The following TTN variants were observed in gnomAD, a reference collection of about 807,000 sequenced individuals.
TTN encodes connectin.
In TTN, 1,525 loss-of-function variants were observed where a neutral mutation model predicts 3,223.0. The ratio of observed to expected loss-of-function variants is 0.47; its 90% CI spans 0.45 to 0.49. The LOEUF (loss-of-function observed/expected upper bound fraction) is 0.49. Among genes scored for constraint, TTN ranks in the 20% least tolerant of loss-of-function variants. The probability of loss-of-function intolerance (pLI) is 0.00; values close to 1 mark genes in which losing one functional copy is unlikely to be tolerated. For synonymous variants in TTN, 14,094 were observed against 15,161.0 expected (o/e 0.93, Z 5.17); for missense variants, 40,786 against 43,424.0 (o/e 0.94, Z 5.40).
chr2:178,789,953 T>A, intron 12 of TTN, 25 bp downstream of exon 12: 1 of 1,612,254 alleles, frequency 6.2e-7, no homozygotes, highest in Non-Finnish European at 8.5e-7. Context: ...GATGAACTTT[T>A]CACAGCTCAA....
Position 178,542,593 on chromosome 2 carries a change from A to G in TTN, c.97193-30T>C, listed in dbSNP as rs754771240. On this transcript the variant is annotated intron_variant, in intron 348 of 362. Transcript: ENST00000589042. ...GAAAGAGAAGAAATACAGGAAATTAATTTTTACTTCAAATCAAAATTGGGT... is the reference window on the plus strand; with the variant it reads ...GAAAGAGAAGAAATACAGGAAATTAGTTTTTACTTCAAATCAAAATTGGGT... 3.8e-6 allele frequency: 6 copies of G among 1,591,932 alleles called. No individual in the cohort carries two copies. The South Asian group carries it at 5.7e-5, about 15-fold the overall frequency.
At chr2:178,744,489 C>T (rs1344636304) in intron 47 of TTN, 4 of 857,750 alleles carry the variant, frequency 4.7e-6, no homozygotes, top group Admixed American at 1.2e-4. Flanking sequence ...TGTTAATTTA[C>T]TGTTATTTTA....
intron 4 of TTN, 61 bp from the exon 5 acceptor site, chr2:178,799,971 T>C (rs2093979127): frequency 6.5e-7 from 1 of 1,542,504 alleles, no homozygotes; most frequent in South Asian, 1.1e-5. Flanking sequence ...TAAAAGAGAT[T>C]CTGTTAATTC....
intron 162 of TTN, 147 bp from the exon 163 acceptor site, chr2:178,667,048 T>C (rs554785491): frequency 1.1e-6 from 1 of 919,906 alleles, no homozygotes; most frequent in East Asian, 2.7e-5. Context: ...TCTTTGTATA[T>C]TATATGTGTG....
chr2:178,538,481 G>T (rs1347767140), intron 354 of TTN, 59 bp downstream of exon 354: 3 of 1,503,398 alleles, frequency 2.0e-6, no homozygotes, highest in Admixed American at 2.0e-5. Flanking sequence ...TATAGAGGGG[G>T]AATTAGCCTT....
rs1216060379 is a variant in TTN, at chr2:178,598,374, G to T, written c.57111+132C>A. On this transcript the variant is annotated intron_variant, in intron 292 of 362. Transcript: ENST00000589042. ...TCTGACATTAACAGATGTTTGGAAT[G>T]TGAGTTAAAATTATGCTATTTTCCT... 7 of 1,111,690 alleles carry T rather than the reference G, an allele frequency of 6.3e-6. No individual in the cohort carries two copies. The South Asian group carries it at 8.0e-5, about 13-fold the overall frequency. 68.9% of individuals were successfully genotyped at this position (1,111,690 alleles called of 1,614,324 possible). A position where few individuals can be genotyped will look rare whatever the true frequency, so the allele number is the denominator to read the frequency against.
intron 317 of TTN, 28 bp downstream of exon 317, chr2:178,580,294 A>G (rs770988217): frequency 1.2e-6 from 2 of 1,606,556 alleles, no homozygotes; most frequent in African/African-American, 1.3e-5. Flanking sequence ...TTTAAAATAT[A>G]TATGATTCTT....
Position 178,729,964 on chromosome 2 carries a change from T to C in TTN, c.18308-19A>G, listed in dbSNP as rs757444222. On this transcript the variant is annotated intron_variant, in intron 62 of 362. Coordinates refer to ENST00000589042, the MANE Select transcript of TTN (RefSeq NM_001267550.2). The stretch of plus-strand genomic sequence containing the variant: ...GGAGGTTCTAAAGATGGAAAAAGAA[T>C]TGTGATGTTGAATATTTTTAAAAAC... 5.6e-6 allele frequency: 9 copies of C among 1,604,524 alleles called. No individual in the cohort carries two copies. In the East Asian group the frequency reaches 1.6e-4, roughly 28 times the overall value.
In TTN at chr2:178,526,015, T is replaced by A. The variant is rs1686283741; in HGVS notation, c.*997A>T. On this transcript the variant is annotated 3_prime_UTR_variant, in exon 363 of 363. Coordinates refer to ENST00000589042, the MANE Select transcript of TTN (RefSeq NM_001267550.2). ...TTTGAGGTGCAGATAGCTTGCTTTA[T>A]TTTGTTGTTACTATCTCAAGGAGGT... is the stretch of plus-strand genomic sequence containing the variant. 1 of 152,682 alleles carries A rather than the reference T, an allele frequency of 6.5e-6. No homozygotes were observed. Among genetic ancestry groups the A allele is most frequent in the Non-Finnish European group, 1.5e-5 (1 of 68,046 alleles). The allele number at this position is 152,682 out of a possible 1,614,324, so 9.5% of individuals were successfully genotyped here. A position where few individuals can be genotyped will look rare whatever the true frequency, so the allele number is the denominator to read the frequency against.
chr2:178,553,304 T>C lies in TTN; in HGVS notation c.89596A>G (p.Arg29866Gly), dbSNP rs1346127107. Residue 29866 changes from arginine (R) to glycine (G), a missense_variant, in exon 335 of 363, where the codon AGA becomes GGA. Physicochemically the swap from Arg to Gly is moderately radical, Grantham distance 125. Transcript: ENST00000589042. ...CTCCATGTGACAGTAGGTGGAGGTC[T>C]GCCTTTAAAGGGAATCAACACTTGT... ...DVQVLIPFKG[R>G]PPPTVTWRKD... The C allele has an allele frequency of 6.2e-7, 1 of 1,607,836 alleles. No individual in the cohort carries two copies.
chr2:178,749,285 A>G, intron 47 of TTN: 1 of 1,611,552 alleles, frequency 6.2e-7, no homozygotes, highest in Non-Finnish European at 8.5e-7. Flanking sequence ...TGCTTGGTGC[A>G]GCTTTGATTT....
chr2:178,701,280 T>G, intron 110 of TTN, 77 bp from the exon 111 acceptor site: 1 of 1,328,216 alleles, frequency 7.5e-7, no homozygotes, highest in Non-Finnish European at 1.1e-6. Context: ...GTCTCATGCA[T>G]TTCTTTCAGT....
In TTN at chr2:178,527,308, CT is replaced by C; in HGVS notation, c.107681-2del. 6.3e-7 allele frequency: 1 copy of C among 1,586,082 alleles called. No homozygotes were observed. The highest frequency in any genetic ancestry group is 8.6e-7 in the Non-Finnish European group (1 of 1,166,446). ...AGAGCTTCAATTTTAGGCGGAATTC[CT>C]TTATGGAACAATGACAAAAAAAAGG... is the stretch of plus-strand genomic sequence containing the variant. On this transcript the variant is annotated splice_acceptor_variant, in intron 362 of 362. Transcript: ENST00000589042. LOFTEE classifies it high-confidence loss of function.
intron 335 of TTN, among the ~76,000 whole-genome samples, 156 bp downstream of exon 335, chr2:178,551,474 T>C (rs1225430117): frequency 1.3e-5 from 2 of 152,334 alleles, no homozygotes; most frequent in East Asian, 3.9e-4. Context: ...TTTATTAGAC[T>C]GACTTAAAAT....
rs758144065 is a variant in TTN, at chr2:178,558,344, G to T, written c.87115C>A (p.Leu29039Ile). The change falls in exon 327 of 363, where the codon CTA (leucine) becomes ATA (isoleucine). Residue 29039 changes from leucine (L) to isoleucine (I), a missense_variant. Transcript: ENST00000589042. ...TTCTACACAAAATTAGACATACCTA[G>T]TTGCTCCTTAATAAGAACAGGAAGC... ...LLLPVLIKEQ[L>I]EPPEIDMKNF... 6.2e-7 allele frequency: 1 copy of T among 1,610,682 alleles called. No individual in the cohort carries two copies. Among genetic ancestry groups the T allele is most frequent in the Non-Finnish European group, 8.5e-7 (1 of 1,179,058 alleles).
At position 178,619,354 on chromosome 2, in the gene TTN, G is replaced by T. The variant is rs1055070616; in HGVS notation, c.46696+267C>A. ...TCTTTAGATTTGCCAAGACTCTCAG[G>T]GTGATAGCTTAGTTGTAGCCTAAGT... On this transcript the variant is annotated intron_variant, in intron 250 of 362. Transcript: ENST00000589042. The T allele has an allele frequency of 1.4e-4, 72 of 512,416 alleles. No homozygotes were observed. In the East Asian group the frequency reaches 2.5e-3, roughly 18 times the overall value. 31.7% of individuals were successfully genotyped at this position (512,416 alleles called of 1,614,324 possible). A position where few individuals can be genotyped will look rare whatever the true frequency, so the allele number is the denominator to read the frequency against.
rs1264868756 is a variant in TTN, at chr2:178,568,800, C to T, written c.77332G>A (p.Gly25778Arg). The change falls in exon 326 of 363, where the codon GGG becomes AGG. Residue 25778 changes from glycine (G) to arginine (R), a missense_variant. Gly to Arg is a moderately radical substitution (Grantham distance 125, BLOSUM62 -2). Transcript: ENST00000589042. ...LFRVVAVNEK[G>R]RSDPRSLAVP... ...GCAAGGGACCGAGGATCACTTCTCC[C>T]CTTTTCATTTACAGCAACAACTCTA... The T allele has an allele frequency of 2.0e-5, 32 of 1,613,076 alleles. No individual in the cohort carries two copies. The highest frequency in any genetic ancestry group is 2.7e-5 in the Non-Finnish European group (32 of 1,179,526).
chr2:178,769,383 A>C (rs2091100946), intron 37 of TTN, among the ~76,000 whole-genome samples: 1 of 151,834 alleles, frequency 6.6e-6, no homozygotes, highest in Non-Finnish European at 1.5e-5. Context: ...CCTCCTGAGT[A>C]GCTGGGACTA....
chr2:178,802,023 C>A, intron 3 of TTN, 115 bp downstream of exon 3: 1 of 1,294,144 alleles, frequency 7.7e-7, no homozygotes. Context: ...GTAGACCCTT[C>A]TGTAGTTTAA....
Sources: gnomAD v4.1 joint callset for allele counts (sites outside exome capture counted in the v4.1 genomes callset) on GRCh38, gnomAD v4.1.1 for gene constraint, MANE v1.5 for transcripts, NCBI Gene and HGNC (gene_info 2026-07-23, HGNC 2026-07-21) for gene names.